The following AGBL1 variants were observed in gnomAD, a reference collection of about 807,000 sequenced individuals.
AGBL1 encodes the protein cytosolic carboxypeptidase 4.
Under a neutral mutation model 118.9 loss-of-function variants are expected in AGBL1, and 130 were observed. That is an observed-to-expected ratio of 1.09 (90% CI 0.95 to 1.26). AGBL1 has a LOEUF of 1.26. Among genes scored for constraint, AGBL1 ranks in the 50% most tolerant of loss-of-function variants. The probability of loss-of-function intolerance (pLI) is 0.00; values close to 1 mark genes in which losing one functional copy is unlikely to be tolerated. For synonymous variants in AGBL1, 555 were observed against 478.9 expected, an observed-to-expected ratio of 1.16 and a Z score of -2.08; for missense variants, 1,584 against 1,298.1, an observed-to-expected ratio of 1.22 and a Z score of -3.38.
At position 86,529,501 on chromosome 15, in the gene AGBL1, T is replaced by A. The variant is rs1345350569; in HGVS notation, c.2685+6562T>A. ...GTCTGATTGGTGTACCTGAAAGTGATGCGGAGAATGGAACCAAATTGGAAA... is the reference window on the plus strand; with the variant it reads ...GTCTGATTGGTGTACCTGAAAGTGAAGCGGAGAATGGAACCAAATTGGAAA... On this transcript the variant is annotated intron_variant, in intron 19 of 22. Transcript: ENST00000614907. Among the ~76,000 whole-genome samples, 22 of 134,782 alleles carry A rather than the reference T, an allele frequency of 1.6e-4. No homozygotes were observed. In the East Asian group the frequency reaches 4.4e-3, roughly 27 times the overall value. The allele number at this position is 134,782 out of a possible 152,430, so 88.4% of individuals were successfully genotyped here.
chr15:86,188,890 G>C (rs572937666), intron 5 of AGBL1, among the ~76,000 whole-genome samples: 1 of 152,182 alleles, frequency 6.6e-6, no homozygotes, highest in Non-Finnish European at 1.5e-5. Context: ...GGGAAAAAGA[G>C]TACTGTAAAA....
At chr15:86,405,532 A>T (rs2081513174) in intron 18 of AGBL1, among the ~76,000 whole-genome samples, 1 of 151,290 alleles carries the variant, frequency 6.6e-6, no homozygotes, top group South Asian at 2.1e-4. Flanking sequence ...CAAAAAAACA[A>T]CAACAAAAAA....
At chr15:86,963,851 G>A (rs1193162029) in intron 23 of AGBL1, among the ~76,000 whole-genome samples, 8 of 151,920 alleles carry the variant, frequency 5.3e-5, no homozygotes, top group South Asian at 2.1e-4. Flanking sequence ...GCACTACCTA[G>A]TACAGAGCTG....
chr15:87,020,529 G>T (rs542320070), intron 24 of AGBL1, among the ~76,000 whole-genome samples: 24 of 151,942 alleles, frequency 1.6e-4, no homozygotes, highest in Non-Finnish European at 3.1e-4. Flanking sequence ...AAGAAATAAA[G>T]GGTATTTAAA....
intron 18 of AGBL1, among the ~76,000 whole-genome samples, chr15:86,471,088 C>G (rs2082472993): frequency 6.6e-6 from 1 of 152,130 alleles, no homozygotes; most frequent in Admixed American, 6.5e-5. Context: ...GAGAGGGCAT[C>G]CTTGCCTTCT....
intron 5 of AGBL1, among the ~76,000 whole-genome samples, chr15:86,196,879 G>GTGCGCGCGCA (rs2077818445): frequency 1.7e-5 from 2 of 116,962 alleles, no homozygotes; most frequent in African/African-American, 7.2e-5. Context: ...GCGCGCGCGC[G>GTGCGCGCGCA]CACACACACA....
chr15:86,282,386 C>T (rs11073626), intron 16 of AGBL1, among the ~76,000 whole-genome samples: 38,142 of 152,000 alleles, frequency 0.25, 5,204 homozygotes, highest in Non-Finnish European at 0.29. Flanking sequence ...TAACTACTTA[C>T]GACTTTTTAT....
chr15:86,885,177 G>A (rs1022461196), intron 22 of AGBL1, among the ~76,000 whole-genome samples: 3 of 151,968 alleles, frequency 2.0e-5, no homozygotes, highest in African/African-American at 7.2e-5. Context: ...TCATGGTTTT[G>A]TTAAGTATAT....
At chr15:86,183,357 A>T (rs750842029) in intron 5 of AGBL1, among the ~76,000 whole-genome samples, 27 of 152,192 alleles carry the variant, frequency 1.8e-4, no homozygotes, top group Admixed American at 2.0e-4. Context: ...GAAAAAGTAA[A>T]AGGTATTCAA....
At chr15:86,093,715 T>C (rs966709471) in intron 1 of AGBL1, among the ~76,000 whole-genome samples, 1 of 152,136 alleles carries the variant, frequency 6.6e-6, no homozygotes, top group Non-Finnish European at 1.5e-5. Context: ...TAAGAGACTA[T>C]ACAGAAGGAA....
intron 18 of AGBL1, among the ~76,000 whole-genome samples, chr15:86,497,043 C>G (rs2082863416): frequency 6.6e-6 from 1 of 151,980 alleles, no homozygotes; most frequent in Non-Finnish European, 1.5e-5. Context: ...TGCAATATCT[C>G]TATACCTTCC....
At chr15:86,701,075 TG>T (rs2086350386) in intron 22 of AGBL1, among the ~76,000 whole-genome samples, 1 of 152,140 alleles carries the variant, frequency 6.6e-6, no homozygotes, top group Non-Finnish European at 1.5e-5. Context: ...AGTTTAACTT[TG>T]TTAAGAAGGT....
At chr15:86,867,401 C>T (rs531242510) in intron 22 of AGBL1, among the ~76,000 whole-genome samples, 8 of 152,220 alleles carry the variant, frequency 5.3e-5, no homozygotes, top group Admixed American at 1.3e-4. Context: ...TAACTTTCTG[C>T]GTTTTGTGGT....
chr15:86,630,675 C>T (rs1420019534), intron 21 of AGBL1: 2 of 152,258 alleles, frequency 1.3e-5, no homozygotes, highest in Non-Finnish European at 2.9e-5. Flanking sequence ...TCAATTTAAC[C>T]TTCTGTCTTC....
At chr15:86,649,998 C>T (rs1008721496) in intron 21 of AGBL1, among the ~76,000 whole-genome samples, 1 of 151,818 alleles carries the variant, frequency 6.6e-6, no homozygotes, top group Non-Finnish European at 1.5e-5. Flanking sequence ...AGTCATAGGA[C>T]CAAAAAAAAT....
intron 23 of AGBL1, among the ~76,000 whole-genome samples, chr15:86,976,402 T>C (rs1054402693): frequency 2.0e-5 from 3 of 151,982 alleles, no homozygotes; most frequent in Non-Finnish European, 4.4e-5. Context: ...AATTGCTAAA[T>C]AGCATTGCAT....
chr15:87,015,775 G>A (rs1357219104), intron 24 of AGBL1, among the ~76,000 whole-genome samples: 1 of 152,088 alleles, frequency 6.6e-6, no homozygotes, highest in African/African-American at 2.4e-5. Flanking sequence ...AGAGCTTTAA[G>A]TCTAAGCTAA....
At chr15:86,402,247 T>C (rs1767553841) in intron 18 of AGBL1, among the ~76,000 whole-genome samples, 1 of 152,098 alleles carries the variant, frequency 6.6e-6, no homozygotes, top group African/African-American at 2.4e-5. Flanking sequence ...GACTGAGTTC[T>C]TGATTTGATT....
intron 22 of AGBL1, among the ~76,000 whole-genome samples, chr15:86,898,315 T>A (rs1240322684): frequency 6.6e-6 from 1 of 152,202 alleles, no homozygotes; most frequent in Non-Finnish European, 1.5e-5. Flanking sequence ...CTAGGTTGTC[T>A]TCCAGAGTTT....
Sources: allele counts gnomAD v4.1 joint callset (sites outside exome capture counted in the v4.1 genomes callset), GRCh38; gene constraint gnomAD v4.1.1; transcripts MANE v1.5; gene names NCBI Gene and HGNC (gene_info 2026-07-23, HGNC 2026-07-21).